The following C8orf34 variants were observed in gnomAD, a reference collection of about 807,000 sequenced individuals.
C8orf34 encodes the protein chromosome 8 open reading frame 34.
A neutral mutation model predicts 68.3 loss-of-function variants in C8orf34; 65 were observed. That is an observed-to-expected ratio of 0.95 (90% confidence interval 0.78 to 1.17). C8orf34 has a LOEUF of 1.17. Among genes scored for constraint, C8orf34 ranks in the 50% most tolerant of loss-of-function variants. The pLI, the probability that C8orf34 is intolerant of heterozygous loss-of-function variation, is 0.00. For synonymous variants in C8orf34, 244 were observed against 241.2 expected (o/e 1.01, Z -0.11); for missense variants, 664 against 655.4 (o/e 1.01, Z -0.14).
intron 5 of C8orf34, among the ~76,000 whole-genome samples, chr8:68,505,199 T>C (rs1813954534): frequency 6.6e-6 from 1 of 152,206 alleles, no homozygotes; most frequent in African/African-American, 2.4e-5. Context: ...TCATTTGTTA[T>C]GGTTTGTCTT....
chr8:68,707,060 T>C (rs1288707220), intron 8 of C8orf34, among the ~76,000 whole-genome samples: 1 of 152,174 alleles, frequency 6.6e-6, no homozygotes, highest in African/African-American at 2.4e-5. Flanking sequence ...AAAACTCTTA[T>C]GGTAAAAAAA....
At chr8:68,695,369 G>A (rs1820801155) in intron 8 of C8orf34, among the ~76,000 whole-genome samples, 1 of 152,136 alleles carries the variant, frequency 6.6e-6, no homozygotes, top group Admixed American at 6.5e-5. Flanking sequence ...GGCTGGTCTT[G>A]AACCTCTGAC....
At chr8:68,616,551 G>A (rs1296277919) in intron 7 of C8orf34, among the ~76,000 whole-genome samples, 5 of 152,018 alleles carry the variant, frequency 3.3e-5, no homozygotes, top group East Asian at 3.9e-4. Flanking sequence ...TTATGTACCT[G>A]GTAGTCATTC....
At chr8:68,567,751 A>G (rs931213078) in intron 7 of C8orf34, among the ~76,000 whole-genome samples, 9 of 145,926 alleles carry the variant, frequency 6.2e-5, no homozygotes, top group African/African-American at 2.3e-4. Flanking sequence ...TTTGGTTTCA[A>G]TTTCATTTAG....
In C8orf34 at chr8:68,614,824, A is replaced by G. The variant is rs1223841828; in HGVS notation, c.1106-25552A>G. 6.6e-5 allele frequency among the ~76,000 whole-genome samples: 10 copies of G among 152,398 alleles called. No homozygotes were observed. The East Asian group carries it at 1.9e-3, about 29-fold the overall frequency. The stretch of plus-strand genomic sequence containing the variant: ...AAAGTAGTTTTTTCCAATTCTGTGA[A>G]GAAAGTCATTGGTAGCTTGATGGGG... On this transcript the variant is annotated intron_variant, in intron 7 of 13. Transcript: ENST00000518698.
At chr8:68,333,892 G>A (rs992822308) in intron 1 of C8orf34, among the ~76,000 whole-genome samples, 3 of 152,152 alleles carry the variant, frequency 2.0e-5, no homozygotes, top group African/African-American at 7.2e-5. Context: ...TTTCAGTTTG[G>A]AAAATATGCG....
intron 1 of C8orf34, among the ~76,000 whole-genome samples, chr8:68,430,188 A>G (rs188528933): frequency 6.6e-6 from 1 of 152,102 alleles, no homozygotes; most frequent in Admixed American, 6.6e-5. Context: ...TAAAAAAATT[A>G]AAAAAAACCT....
intron 5 of C8orf34, among the ~76,000 whole-genome samples, chr8:68,494,580 G>A (rs751730143): frequency 6.6e-6 from 1 of 152,242 alleles, no homozygotes; most frequent in Middle Eastern, 3.4e-3. Flanking sequence ...TTTAGTCTGG[G>A]TGCAGTCGCT....
chr8:68,754,958 T>C (rs1822813408), intron 10 of C8orf34, among the ~76,000 whole-genome samples: 1 of 152,228 alleles, frequency 6.6e-6, no homozygotes, highest in African/African-American at 2.4e-5. Context: ...TATATATTTT[T>C]CTGTATTCAA....
In C8orf34 at chr8:68,476,408, C is replaced by T. The variant is rs561902656; in HGVS notation, c.736+7588C>T. 1.1e-3 allele frequency among the ~76,000 whole-genome samples: 169 copies of T among 152,148 alleles called. 1 individual carries two copies. The highest frequency in any genetic ancestry group is 1.8e-3 in the Admixed American group (28 of 15,278). The stretch of plus-strand genomic sequence containing the variant: ...CAGTAGGAGGAGAGTCAAGATGTGT[C>T]GTGGAGACAGATATTCCTGGAAGAG... On this transcript the variant is annotated intron_variant, in intron 4 of 13. Coordinates refer to ENST00000518698, the MANE Select transcript of C8orf34 (RefSeq NM_052958.4).
intron 8 of C8orf34, among the ~76,000 whole-genome samples, chr8:68,673,980 G>C (rs148159567): frequency 5.2e-4 from 79 of 152,300 alleles, no homozygotes; most frequent in African/African-American, 1.4e-3. Flanking sequence ...AAGAGAACAA[G>C]AGTCTGCCTG....
intron 7 of C8orf34, among the ~76,000 whole-genome samples, chr8:68,559,377 C>T (rs557512000): frequency 3.3e-5 from 5 of 152,080 alleles, no homozygotes; most frequent in Admixed American, 6.5e-5. Context: ...TTTTAAAGTG[C>T]GAGTGTTTTT....
At chr8:68,426,304 G>A (rs1296673355) in intron 1 of C8orf34, among the ~76,000 whole-genome samples, 1 of 151,896 alleles carries the variant, frequency 6.6e-6, no homozygotes, top group Admixed American at 6.6e-5. Flanking sequence ...GATCACTTGA[G>A]GTCAGGAGTT....
intron 7 of C8orf34, among the ~76,000 whole-genome samples, chr8:68,629,007 A>G (rs1412035047): frequency 6.6e-6 from 1 of 152,182 alleles, no homozygotes; most frequent in Non-Finnish European, 1.5e-5. Context: ...AAAACAAATT[A>G]CTGCTTTGAG....
chr8:68,469,671 C>T (rs991865540), intron 4 of C8orf34, among the ~76,000 whole-genome samples: 5 of 151,904 alleles, frequency 3.3e-5, no homozygotes, highest in Admixed American at 2.6e-4. Context: ...TTTAGAAGCA[C>T]ATTAATGCCA....
chr8:68,623,975 T>C (rs573839806), intron 7 of C8orf34, among the ~76,000 whole-genome samples: 7 of 152,146 alleles, frequency 4.6e-5, no homozygotes, highest in Non-Finnish European at 1.0e-4. Context: ...ATTTTTCCTC[T>C]AAAAATGTGA....
chr8:68,464,676 C>G (rs1021473675), intron 3 of C8orf34, among the ~76,000 whole-genome samples: 100 of 151,634 alleles, frequency 6.6e-4, no homozygotes, highest in Middle Eastern at 6.8e-3. Flanking sequence ...CTTTGACAAA[C>G]CTGAGAAAAA....
intron 10 of C8orf34, among the ~76,000 whole-genome samples, chr8:68,744,182 T>C (rs1430355763): frequency 6.6e-6 from 1 of 151,846 alleles, no homozygotes; most frequent in African/African-American, 2.4e-5. Flanking sequence ...TCCTGTCTGT[T>C]AGAAGGAAAA....
Position 68,456,057 on chromosome 8 carries a change from A to G in C8orf34, c.607+9597A>G, listed in dbSNP as rs181316515. Among the ~76,000 whole-genome samples the G allele has an allele frequency of 4.1e-3, 618 of 150,956 alleles. 8 individuals carry two copies. The highest frequency in any genetic ancestry group is 0.014 in the African/African-American group (590 of 41,134). ...TCAGGAGATTGAGACCATCCTGGCT[A>G]ACACAGTGAAACACAGCCTCTACTA... On this transcript the variant is annotated intron_variant, in intron 3 of 13. Coordinates refer to ENST00000518698, the MANE Select transcript of C8orf34 (RefSeq NM_052958.4).
Sources: allele counts gnomAD v4.1 joint callset (sites outside exome capture counted in the v4.1 genomes callset), GRCh38; gene constraint gnomAD v4.1.1; transcripts MANE v1.5; gene names NCBI Gene and HGNC (gene_info 2026-07-23, HGNC 2026-07-21).